WARS2: variants seen among roughly 807,000 people sequenced by gnomAD.
WARS2 encodes tryptophanyl tRNA synthetase 2, mitochondrial.
WARS2 carries 28 observed loss-of-function variants against 36.5 expected under a neutral mutation model. The ratio of observed to expected loss-of-function variants is 0.77; its 90% CI spans 0.57 to 1.05. The LOEUF is 1.05. Among genes scored for constraint, WARS2 ranks in the 50% least tolerant of loss-of-function variants. WARS2 has a pLI of 0.00. For synonymous variants in WARS2, 174 were observed against 178.4 expected (o/e 0.98, Z 0.20); for missense variants, 435 against 456.8 (o/e 0.95, Z 0.44).
intron 1 of WARS2, among the ~76,000 whole-genome samples, chr1:119,132,127 C>T (rs1228913060): frequency 1.3e-5 from 2 of 152,148 alleles, no homozygotes; most frequent in Middle Eastern, 3.2e-3. Flanking sequence ...ACATGTTGCA[C>T]ATGAGACAAC....
chr1:119,040,019 C>T (rs1325938), intron 4 of WARS2, among the ~76,000 whole-genome samples: 44,797 of 152,064 alleles, frequency 0.29, 7,252 homozygotes, highest in African/African-American at 0.43. Flanking sequence ...AATAAAAATA[C>T]CTTCAAGTGC....
chr1:119,137,782 G>A (rs1339647927), intron 1 of WARS2, among the ~76,000 whole-genome samples: 1 of 152,114 alleles, frequency 6.6e-6, no homozygotes, highest in Admixed American at 6.5e-5. Flanking sequence ...ATCCCATAAT[G>A]AGTATGGAGT....
At chr1:119,062,378 T>C (rs947511814) in intron 2 of WARS2, among the ~76,000 whole-genome samples, 2 of 152,088 alleles carry the variant, frequency 1.3e-5, no homozygotes, top group Non-Finnish European at 2.9e-5. Context: ...TGGTGGCCAC[T>C]GGAGATGAGC....
chr1:119,053,374 T>C (rs1444272000), intron 2 of WARS2, among the ~76,000 whole-genome samples: 1 of 152,158 alleles, frequency 6.6e-6, no homozygotes, highest in East Asian at 1.9e-4. Context: ...CACAGAAAGT[T>C]TGATAATCTC....
rs183093624 is a variant in WARS2, at chr1:119,077,185, T to C, written c.91-578A>G. Among the ~76,000 whole-genome samples the C allele has an allele frequency of 2.4e-3, 351 of 147,730 alleles. 1 individual carries two copies. The highest frequency in any genetic ancestry group is 3.0e-3 in the Non-Finnish European group (200 of 66,934). On this transcript the variant is annotated intron_variant, in intron 1 of 5. Coordinates refer to ENST00000235521, the MANE Select transcript of WARS2 (RefSeq NM_015836.4). ...GCATCCCCAAGAGCATGTGATCTAA[T>C]TGGAGATAGAGGGTATTGTTTATGA...
intron 2 of WARS2, among the ~76,000 whole-genome samples, chr1:119,070,515 C>A (rs1020026642): frequency 6.6e-6 from 1 of 152,072 alleles, no homozygotes; most frequent in Non-Finnish European, 1.5e-5. Flanking sequence ...GATCTACCTG[C>A]CTCAGCCTCC....
At chr1:119,040,109 T>G (rs556288080) in intron 4 of WARS2, among the ~76,000 whole-genome samples, 4 of 152,352 alleles carry the variant, frequency 2.6e-5, no homozygotes, top group East Asian at 1.9e-4. Flanking sequence ...CTACTTATTA[T>G]TGAGCAATTA....
At chr1:119,038,946 T>G (rs377082629) in intron 4 of WARS2, among the ~76,000 whole-genome samples, 13 of 152,318 alleles carry the variant, frequency 8.5e-5, no homozygotes, top group South Asian at 6.2e-4. Flanking sequence ...CCTCCCAAAG[T>G]GCTGGGATTA....
At chr1:119,075,016 A>G (rs745571582) in intron 2 of WARS2, among the ~76,000 whole-genome samples, 3 of 152,174 alleles carry the variant, frequency 2.0e-5, no homozygotes, top group Non-Finnish European at 4.4e-5. Context: ...TGTTGGTTGA[A>G]AAATCACCTA....
Position 119,034,133 on chromosome 1 carries a change from TTC to T in WARS2, c.594_595del (p.Lys199ValfsTer23). The T allele has an allele frequency of 6.2e-7, 1 of 1,614,048 alleles. No homozygotes were observed. Among genetic ancestry groups the T allele is most frequent in the Admixed American group, 1.7e-5 (1 of 60,024 alleles). ...GGGCACTGGAAAGAACTCCCCATACTTCTTGTTGAAACCTTGTGCTAGATCCT... is the reference window on the plus strand; with the variant it reads ...GGGCACTGGAAAGAACTCCCCATACTTTGTTGAAACCTTGTGCTAGATCCT... On this transcript the variant is annotated frameshift_variant, in exon 5 of 6. Transcript: ENST00000235521. LOFTEE classifies it high-confidence loss of function.
intron 1 of WARS2, among the ~76,000 whole-genome samples, chr1:119,122,266 C>T (rs994068903): frequency 6.6e-6 from 1 of 152,120 alleles, no homozygotes; most frequent in African/African-American, 2.4e-5. Context: ...AGAAGATATA[C>T]AAACGGCCAA....
At chr1:119,094,009 G>A (rs1653244137) in intron 1 of WARS2, among the ~76,000 whole-genome samples, 1 of 152,138 alleles carries the variant, frequency 6.6e-6, no homozygotes, top group South Asian at 2.1e-4. Context: ...AGTGCTGAGA[G>A]GCAGGAAGCA....
intron 1 of WARS2, among the ~76,000 whole-genome samples, chr1:119,090,970 A>G (rs1410996880): frequency 1.3e-5 from 2 of 152,190 alleles, no homozygotes; most frequent in Non-Finnish European, 2.9e-5. Flanking sequence ...AAAGAGTCTC[A>G]TACTAACAGG....
chr1:119,116,778 G>T (rs34744624), intron 1 of WARS2, among the ~76,000 whole-genome samples: 2,003 of 152,312 alleles, frequency 0.013, 22 homozygotes, highest in Middle Eastern at 0.058. Flanking sequence ...ATCTCACAGA[G>T]GTCCTTGGAG....
intron 1 of WARS2, among the ~76,000 whole-genome samples, chr1:119,118,232 A>C (rs1161973906): frequency 6.6e-6 from 1 of 152,080 alleles, no homozygotes; most frequent in Non-Finnish European, 1.5e-5. Context: ...TGGTAAAGAA[A>C]AGACTATCAC....
At chr1:119,043,204 C>T (rs1025256443) in intron 3 of WARS2, among the ~76,000 whole-genome samples, 5 of 152,182 alleles carry the variant, frequency 3.3e-5, no homozygotes, top group African/African-American at 9.7e-5. Context: ...ATATTCTGTG[C>T]AGTTTCAAGG....
At chr1:119,092,889 T>C (rs1158535884) in intron 1 of WARS2, among the ~76,000 whole-genome samples, 6 of 152,224 alleles carry the variant, frequency 3.9e-5, no homozygotes, top group Non-Finnish European at 7.3e-5. Flanking sequence ...CAATACAATT[T>C]CATTTCTCCA....
In WARS2 at chr1:119,036,689, C is replaced by T. The variant is rs139247445; in HGVS notation, c.516-2476G>A. ...GTTCCAGATTCACAAAGCAACCAAA[C>T]TAAACAGAAAACACATTTAGTTTTC... is the stretch of plus-strand genomic sequence containing the variant. On this transcript the variant is annotated intron_variant, in intron 4 of 5. Transcript: ENST00000235521. 2.3e-3 allele frequency among the ~76,000 whole-genome samples: 344 copies of T among 152,336 alleles called. 1 individual carries two copies. Among genetic ancestry groups the T allele is most frequent in the African/African-American group, 7.6e-3 (318 of 41,576 alleles).
chr1:119,129,728 A>T (rs891706227), intron 1 of WARS2, among the ~76,000 whole-genome samples: 1 of 51,260 alleles, frequency 2.0e-5, no homozygotes, highest in African/African-American at 6.0e-5. Flanking sequence ...AAATAAAAAT[A>T]AAAAAAAAAT....
Sources: allele counts gnomAD v4.1 joint callset (sites outside exome capture counted in the v4.1 genomes callset), GRCh38; gene constraint gnomAD v4.1.1; transcripts MANE v1.5; gene names NCBI Gene and HGNC (gene_info 2026-07-23, HGNC 2026-07-21).